Variants in SLC29A1 observed in about 807,000 individuals in gnomAD.
The protein encoded by SLC29A1 is equilibrative nucleoside transporter 1.
A neutral mutation model predicts 48.3 loss-of-function variants in SLC29A1; 22 were observed. The observed-to-expected ratio is 0.46, with a 90% confidence interval of 0.33 to 0.65. The LOEUF (loss-of-function observed/expected upper bound fraction) is 0.65. Among genes scored for constraint, SLC29A1 ranks in the 30% least tolerant of loss-of-function variants. The pLI, the probability that SLC29A1 is intolerant of heterozygous loss-of-function variation, is 0.03. For synonymous variants in SLC29A1, 228 were observed against 231.0 expected, an observed-to-expected ratio of 0.99 and a Z score of 0.12; for missense variants, 491 against 575.3, an observed-to-expected ratio of 0.85 and a Z score of 1.50.
At chr6:44,219,990 A>G (rs1027507477), upstream of SLC29A1, among the ~76,000 whole-genome samples, 6 of 152,162 alleles carry the variant, frequency 3.9e-5, no homozygotes, top group East Asian at 9.6e-4. Context: ...TGCCTCCCCA[A>G]ACTCCCCAGC....
At chr6:44,224,314 C>T (rs1384176341) in intron 1 of SLC29A1, among the ~76,000 whole-genome samples, 2 of 151,614 alleles carry the variant, frequency 1.3e-5, no homozygotes. Flanking sequence ...TCGGTGGCCT[C>T]CAGACCCTCC....
Position 44,229,971 on chromosome 6 carries a change from G to GC in SLC29A1, c.381dup (p.Ile128HisfsTer24). On this transcript the variant is annotated frameshift_variant, in exon 5 of 13. Transcript: ENST00000371755. LOFTEE classifies it high-confidence loss of function. The surrounding 1 kb of genome is among the most constrained non-coding windows in gnomAD (Gnocchi z 5.1). ...CATCCTGCTGGTGTTTCTGATCACTGCCATCCTGGTGAAGGTGCAGCTGGA... is the reference window on the plus strand; with the variant it reads ...CATCCTGCTGGTGTTTCTGATCACTGCCCATCCTGGTGAAGGTGCAGCTGGA... 6.2e-7 allele frequency: 1 copy of GC among 1,613,092 alleles called. No individual in the cohort carries two copies. The highest frequency in any genetic ancestry group is 8.5e-7 in the Non-Finnish European group (1 of 1,179,988).
At chr6:44,221,536 A>G (rs1283821799), upstream of SLC29A1, 1 of 977,674 alleles carries the variant, frequency 1.0e-6, no homozygotes, top group African/African-American at 1.7e-5. This position sits in a 1 kb window ranked among gnomAD's most constrained non-coding sequence, Gnocchi z 4.2. Flanking sequence ...AATAAGGTGT[A>G]GAGTAGAGGT....
rs1219008476 is a variant in SLC29A1 at position 44,229,324 on chromosome 6, T to C, written c.30-66T>C. 7.9e-6 allele frequency: 10 copies of C among 1,270,878 alleles called. No homozygotes were observed. Among genetic ancestry groups the C allele is most frequent in the Non-Finnish European group, 1.2e-5 (10 of 866,744 alleles). The allele number at this position is 1,270,878 out of a possible 1,614,324, so 78.7% of individuals were successfully genotyped here. A position where few individuals can be genotyped will look rare whatever the true frequency, so the allele number is the denominator to read the frequency against. ...GACTGACAACGGACAGGGGCTTTCC[T>C]GGGGCTCATTGTGGAGTGGGGCAGG... is the stretch of plus-strand genomic sequence containing the variant. On this transcript the variant is annotated intron_variant, in intron 2 of 12. Transcript: ENST00000371755. The surrounding 1 kb of genome is among the most constrained non-coding windows in gnomAD (Gnocchi z 5.1).
chr6:44,231,005 G>A (rs1000428509), intron 8 of SLC29A1, 116 bp downstream of exon 8: 1 of 794,450 alleles, frequency 1.3e-6, no homozygotes, highest in Non-Finnish European at 2.2e-6. Context: ...AGCCAGAGGA[G>A]GACTGAAGGA....
At chr6:44,226,847 TC>T (rs1403363368) in intron 1 of SLC29A1, 2 of 1,021,352 alleles carry the variant, frequency 2.0e-6, no homozygotes, top group Non-Finnish European at 2.4e-6. Context: ...TCCATTTGTC[TC>T]CCTCCTTCCC....
Position 44,233,680 on chromosome 6 carries a change from TG to T in SLC29A1, c.*156del. ...GTGCTGGGCCCGGATCTCCAGGCCCTGGGGAGGGAGCCTCTGGACGGACAGT... is the reference window on the plus strand; with the variant it reads ...GTGCTGGGCCCGGATCTCCAGGCCCTGGGAGGGAGCCTCTGGACGGACAGT... On this transcript the variant is annotated 3_prime_UTR_variant, in exon 13 of 13. Coordinates refer to ENST00000371755, the MANE Select transcript of SLC29A1 (RefSeq NM_001372327.1). 3.1e-6 allele frequency: 2 copies of T among 645,860 alleles called. No homozygotes were observed. Among genetic ancestry groups the T allele is most frequent in the East Asian group, 2.7e-5 (1 of 36,854 alleles). The allele number at this position is 645,860 out of a possible 1,614,324, so 40.0% of individuals were successfully genotyped here.
Position 44,229,754 on chromosome 6 carries a change from C to A in SLC29A1, c.277C>A (p.Leu93Met). The change falls in exon 4 of 13, where the codon CTG becomes ATG. Residue 93 changes from leucine to methionine, a missense_variant. Physicochemically the swap from Leu to Met is conservative, Grantham distance 15. Coordinates refer to ENST00000371755, the MANE Select transcript of SLC29A1 (RefSeq NM_001372327.1). This position sits in a 1 kb window ranked among gnomAD's most constrained non-coding sequence, Gnocchi z 5.1. The part of the protein sequence containing the change: ...VMTLCAMLPL[L>M]LFTYLNSFLH... ...GACCCTATGTGCCATGCTGCCCCTG[C>A]TGTTATTCACCTACCTCAACTCCTT... 1 of 1,613,916 alleles carries A rather than the reference C, an allele frequency of 6.2e-7. No homozygotes were observed. Among genetic ancestry groups the A allele is most frequent in the Non-Finnish European group, 8.5e-7 (1 of 1,180,020 alleles).
Position 44,230,623 on chromosome 6 carries a change from TATC to T in SLC29A1, c.648_650del (p.Ile217del). On this transcript the variant is annotated inframe_deletion, in exon 7 of 13. Coordinates refer to ENST00000371755, the MANE Select transcript of SLC29A1 (RefSeq NM_001372327.1). The stretch of plus-strand genomic sequence containing the variant: ...GCTACTTTATCACAGCCTGTGCTGT[TATC>T]ATTTTGACCATCATCTGTTACCTGG... 1 of 1,613,352 alleles carries T rather than the reference TATC, an allele frequency of 6.2e-7. No individual in the cohort carries two copies. The highest frequency in any genetic ancestry group is 8.5e-7 in the Non-Finnish European group (1 of 1,179,810).
chr6:44,232,370 T>C lies in SLC29A1; in HGVS notation c.1001T>C (p.Phe334Ser). Reference protein sequence around the residue: ...WERYFIPVSCFLTFNIFDWLG... With the variant: ...WERYFIPVSCSLTFNIFDWLG... The stretch of plus-strand genomic sequence containing the variant: ...CGTTACTTCATTCCTGTGTCCTGTT[T>C]CTTGACTTTCAATATCTTTGACTGG... The change falls in exon 11 of 13, where the codon TTC (phenylalanine) becomes TCC (serine). Residue 334 changes from phenylalanine (F) to serine (S), a missense_variant. Coordinates refer to ENST00000371755, the MANE Select transcript of SLC29A1 (RefSeq NM_001372327.1). This position sits in a 1 kb window ranked among gnomAD's most constrained non-coding sequence, Gnocchi z 4.7. The C allele has an allele frequency of 6.2e-7, 1 of 1,613,758 alleles. No individual in the cohort carries two copies. The highest frequency in any genetic ancestry group is 8.5e-7 in the Non-Finnish European group (1 of 1,179,640).
Position 44,232,759 on chromosome 6 carries a change from G to C in SLC29A1, c.1060-48G>C. On this transcript the variant is annotated intron_variant, in intron 11 of 12. Coordinates refer to ENST00000371755, the MANE Select transcript of SLC29A1 (RefSeq NM_001372327.1). This position sits in a 1 kb window ranked among gnomAD's most constrained non-coding sequence, Gnocchi z 4.7. ...CAGATGGATCCTTGGGGGCCTGGCT[G>C]TGCCCTGGGGTGGCGGCCTGGGCTG... is the stretch of plus-strand genomic sequence containing the variant. The C allele has an allele frequency of 2.5e-6, 4 of 1,573,766 alleles. No homozygotes were observed. Among genetic ancestry groups the C allele is most frequent in the Non-Finnish European group, 3.5e-6 (4 of 1,156,174 alleles).
chr6:44,221,671 C>G (rs777501844), upstream of SLC29A1: 70 of 1,288,514 alleles, frequency 5.4e-5, no homozygotes, highest in Non-Finnish European at 6.8e-5. The surrounding 1 kb of genome is among the most constrained non-coding windows in gnomAD (Gnocchi z 4.2). Context: ...TAGAAAAACT[C>G]CAGGCAAGGC....
upstream of SLC29A1, chr6:44,223,533 A>C: frequency 8.8e-7 from 1 of 1,132,096 alleles, no homozygotes; most frequent in Non-Finnish European, 1.1e-6. The surrounding 1 kb of genome is among the most constrained non-coding windows in gnomAD (Gnocchi z 5.0). Context: ...CAGTGGGCGC[A>C]GGGCGGGGCG....
rs567430801 is a variant in SLC29A1, at chr6:44,232,161, G to A, written c.973+55G>A. 1 of 1,416,074 alleles carries A rather than the reference G, an allele frequency of 7.1e-7. No individual in the cohort carries two copies. Among genetic ancestry groups the A allele is most frequent in the African/African-American group, 1.4e-5 (1 of 71,078 alleles). The allele number at this position is 1,416,074 out of a possible 1,614,324, so 87.7% of individuals were successfully genotyped here. ...AACAGACAGGATCTTGAGTTGGGCTGGAAGTGGGGAAGGGAGGGAGCCTGG... is the reference window on the plus strand; with the variant it reads ...AACAGACAGGATCTTGAGTTGGGCTAGAAGTGGGGAAGGGAGGGAGCCTGG... On this transcript the variant is annotated intron_variant, in intron 10 of 12. Coordinates refer to ENST00000371755, the MANE Select transcript of SLC29A1 (RefSeq NM_001372327.1). This position sits in a 1 kb window ranked among gnomAD's most constrained non-coding sequence, Gnocchi z 4.7.
At chr6:44,222,478 C>T (rs1398667440), upstream of SLC29A1, among the ~76,000 whole-genome samples, 4 of 152,102 alleles carry the variant, frequency 2.6e-5, no homozygotes, top group Non-Finnish European at 5.9e-5. Context: ...AGTTGTTAAT[C>T]AGTGTCTGTG....
Position 44,233,754 on chromosome 6 carries a change from C to G in SLC29A1, c.*226C>G, listed in dbSNP as rs933810890. ...TCAGAGTCGAGGGACGGGGTGTAGC[C>G]TCGGCATTTGCTTGAGTTTCTCCAC... On this transcript the variant is annotated 3_prime_UTR_variant, in exon 13 of 13. Coordinates refer to ENST00000371755, the MANE Select transcript of SLC29A1 (RefSeq NM_001372327.1). The G allele has an allele frequency of 7.1e-6, 4 of 565,122 alleles. No individual in the cohort carries two copies. The highest frequency in any genetic ancestry group is 3.0e-5 in the East Asian group (1 of 33,770). The allele number at this position is 565,122 out of a possible 1,614,324, so 35.0% of individuals were successfully genotyped here.
chr6:44,231,493 C>A, intron 9 of SLC29A1, 32 bp downstream of exon 9: 1 of 1,378,964 alleles, frequency 7.3e-7, no homozygotes, highest in East Asian at 2.4e-5. Context: ...ATCTTCTACC[C>A]CTTGTCCTCT....
At position 44,231,413 on chromosome 6, in the gene SLC29A1, C is replaced by A; in HGVS notation, c.816C>A (p.Asn272Lys). The change falls in exon 9 of 13, where the codon AAC (asparagine) becomes AAA (lysine). Residue 272 changes from asparagine to lysine, a missense_variant. By Grantham distance (94) the Asn-to-Lys change is moderately conservative (BLOSUM62 0). Transcript: ENST00000371755. ...AGGAATCTGGAGTTTCAGTCTCCAACTCTCAGCCCACCAATGAAAGCCACT... is the reference window on the plus strand; with the variant it reads ...AGGAATCTGGAGTTTCAGTCTCCAAATCTCAGCCCACCAATGAAAGCCACT... The part of the protein sequence containing the change: ...GKEESGVSVS[N>K]SQPTNESHSI... 1 of 1,607,328 alleles carries A rather than the reference C, an allele frequency of 6.2e-7. No individual in the cohort carries two copies. The highest frequency in any genetic ancestry group is 1.1e-5 in the South Asian group (1 of 89,966).
At chr6:44,219,690 C>T (rs1776092890), upstream of SLC29A1, 1 of 1,287,868 alleles carries the variant, frequency 7.8e-7, no homozygotes, top group Admixed American at 2.3e-5. Context: ...ATGGCCCCAG[C>T]CCCGAGATGA....
Sources: gnomAD v4.1 joint callset for allele counts (sites outside exome capture counted in the v4.1 genomes callset) on GRCh38, gnomAD v4.1.1 for gene constraint, Gnocchi (gnomAD v3.1) non-coding constraint, MANE v1.5 for transcripts, NCBI Gene and HGNC (gene_info 2026-07-23, HGNC 2026-07-21) for gene names.